DOCK7: variants seen among roughly 807,000 people sequenced by gnomAD.
DOCK7 encodes the protein dedicator of cytokinesis protein 7.
Under a neutral mutation model 271.0 loss-of-function variants are expected in DOCK7, and 138 were observed. The ratio of observed to expected loss-of-function variants is 0.51; its 90% confidence interval spans 0.44 to 0.59. The LOEUF (loss-of-function observed/expected upper bound fraction) is 0.59. Ranked by LOEUF, DOCK7 falls within the 20% of genes least tolerant of loss-of-function variation. The pLI, the probability that DOCK7 is intolerant of heterozygous loss-of-function variation, is 0.00. For missense variants in DOCK7, 2,066 were observed against 2,592.4 expected (o/e 0.80, Z 4.41); for synonymous variants, 823 against 876.1 (o/e 0.94, Z 1.07).
At chr1:62,562,345 C>T (rs1292558274) in intron 18 of DOCK7, among the ~76,000 whole-genome samples, 1 of 148,398 alleles carries the variant, frequency 6.7e-6, no homozygotes, top group African/African-American at 2.5e-5. Flanking sequence ...GATTCTCCTG[C>T]CTCAGCCTCC....
chr1:62,679,452 G>C lies in DOCK7; in HGVS notation c.38+8775C>G, dbSNP rs1660871356. Among the ~76,000 whole-genome samples, 3 of 151,756 alleles carry C rather than the reference G, an allele frequency of 2.0e-5. No homozygotes were observed. In the South Asian group the frequency reaches 6.2e-4, roughly 32 times the overall value. Reference sequence around the variant, plus strand: ...AAAATCAATTCCTAAAAAACCCAAAGGGAAAAAACAATGGAGGAGGGGGAT... The same window carrying C: ...AAAATCAATTCCTAAAAAACCCAAACGGAAAAAACAATGGAGGAGGGGGAT... On this transcript the variant is annotated intron_variant, in intron 1 of 49. Transcript: ENST00000635253.
At chr1:62,528,966 C>T (rs1645095108) in intron 30 of DOCK7, among the ~76,000 whole-genome samples, 1 of 152,126 alleles carries the variant, frequency 6.6e-6, no homozygotes, top group Non-Finnish European at 1.5e-5. Context: ...TGGTAAACAT[C>T]TGTCAAGTTT....
intron 34 of DOCK7, among the ~76,000 whole-genome samples, chr1:62,509,558 A>G (rs1390464013): frequency 2.0e-5 from 3 of 152,126 alleles, no homozygotes; most frequent in Non-Finnish European, 4.4e-5. Flanking sequence ...CTACTCTGTG[A>G]TTTCTAAAAA....
At chr1:62,663,649 T>G (rs1275520112) in intron 1 of DOCK7, among the ~76,000 whole-genome samples, 1 of 152,178 alleles carries the variant, frequency 6.6e-6, no homozygotes, top group Non-Finnish European at 1.5e-5. Flanking sequence ...CAAGATAATC[T>G]CATTTTCCTA....
chr1:62,648,942 C>A (rs1657006243), intron 4 of DOCK7, among the ~76,000 whole-genome samples: 1 of 152,014 alleles, frequency 6.6e-6, no homozygotes, highest in African/African-American at 2.4e-5. Flanking sequence ...ACATATAAAG[C>A]ACTGAATCTT....
Position 62,577,267 on chromosome 1 carries a change from G to T in DOCK7, c.2107C>A (p.Pro703Thr). The change falls in exon 18 of 50, where the codon CCT becomes ACT. Residue 703 changes from proline to threonine, a missense_variant. Transcript: ENST00000635253. ...TCAACATGGGAGACACTGACCTCAG[G>T]AGACAGTACAGAATAAGCCTGTGGT... ...KPPQAYSVLSPEVPLPGMKWV... is the reference protein window; with the variant it reads ...KPPQAYSVLSTEVPLPGMKWV... The T allele has an allele frequency of 6.6e-7, 1 of 1,511,208 alleles. No individual in the cohort carries two copies. Among genetic ancestry groups the T allele is most frequent in the Non-Finnish European group, 8.9e-7 (1 of 1,118,556 alleles). The allele number at this position is 1,511,208 out of a possible 1,614,324, so 93.6% of individuals were successfully genotyped here. A position where few individuals can be genotyped will look rare whatever the true frequency, so the allele number is the denominator to read the frequency against.
chr1:62,548,346 G>C (rs1317952724), intron 22 of DOCK7, among the ~76,000 whole-genome samples: 1 of 151,618 alleles, frequency 6.6e-6, no homozygotes, highest in African/African-American at 2.4e-5. Context: ...AGACTTAAAG[G>C]ACTGAGAGAA....
intron 1 of DOCK7, among the ~76,000 whole-genome samples, chr1:62,671,007 A>G (rs1177901676): frequency 6.6e-6 from 1 of 151,904 alleles, no homozygotes; most frequent in Admixed American, 6.6e-5. Flanking sequence ...CCACGAGCCC[A>G]CCGGGAGGAA....
chr1:62,490,119 G>A (rs1646419000), intron 41 of DOCK7, among the ~76,000 whole-genome samples: 1 of 142,664 alleles, frequency 7.0e-6, no homozygotes, highest in Non-Finnish European at 1.5e-5. Flanking sequence ...TGTTTAGGTT[G>A]GAGTGCAGTG....
intron 14 of DOCK7, among the ~76,000 whole-genome samples, chr1:62,611,363 TTTGGATTTTGGAATATCTTTATAC>T (rs1469387675): frequency 6.6e-6 from 1 of 152,192 alleles, no homozygotes; most frequent in Non-Finnish European, 1.5e-5. Context: ...TCATATTTGT[TTTGGATTTTGGAATATCTTTATAC>T]TCACGGTTGA....
chr1:62,671,781 T>G (rs561746400), intron 1 of DOCK7, among the ~76,000 whole-genome samples: 41 of 152,258 alleles, frequency 2.7e-4, no homozygotes, highest in Non-Finnish European at 5.1e-4. Context: ...TCTCCTATTC[T>G]GTATGAAACT....
intron 18 of DOCK7, among the ~76,000 whole-genome samples, chr1:62,565,789 T>C (rs1184818431): frequency 1.3e-5 from 2 of 152,168 alleles, no homozygotes; most frequent in African/African-American, 4.8e-5. Context: ...GATGACATGA[T>C]TGTATTTTTA....
In DOCK7 at chr1:62,491,130, T is replaced by C. The variant is rs182042124; in HGVS notation, c.5361+1574A>G. On this transcript the variant is annotated intron_variant, in intron 41 of 49. Coordinates refer to ENST00000635253, the MANE Select transcript of DOCK7 (RefSeq NM_001367561.1). ...GTGAGGCACCAACAGGTTAAATAAT[T>C]TGTGCCTGAAGTAAGACAACTACTA... Among the ~76,000 whole-genome samples, 250 of 152,316 alleles carry C rather than the reference T, an allele frequency of 1.6e-3. 4 individuals carry two copies. Among genetic ancestry groups the C allele is most frequent in the Non-Finnish European group, 7.2e-4 (49 of 68,034 alleles).
At chr1:62,661,923 T>C (rs1658708145) in intron 2 of DOCK7, among the ~76,000 whole-genome samples, 1 of 152,190 alleles carries the variant, frequency 6.6e-6, no homozygotes, top group Admixed American at 6.5e-5. Flanking sequence ...TTTGGAAGGA[T>C]TATCTCCATG....
chr1:62,626,790 T>C (rs780683951), intron 11 of DOCK7, among the ~76,000 whole-genome samples: 6 of 152,094 alleles, frequency 3.9e-5, no homozygotes, highest in Non-Finnish European at 8.8e-5. Flanking sequence ...GACCAGGCCA[T>C]GACAGGTTCA....
intron 14 of DOCK7, chr1:62,602,292 A>G (rs770846943): frequency 6.2e-7 from 1 of 1,607,772 alleles, no homozygotes; most frequent in South Asian, 1.1e-5. Context: ...CAGGTAGTCC[A>G]TGGACATTAA....
intron 37 of DOCK7, among the ~76,000 whole-genome samples, chr1:62,499,937 GAA>G (rs11409086): frequency 2.2e-4 from 33 of 148,118 alleles, no homozygotes; most frequent in East Asian, 5.9e-4. Context: ...AAACTGTTCT[GAA>G]AAAAAAAAAA....
At chr1:62,543,920 A>C (rs1183783689) in intron 23 of DOCK7, among the ~76,000 whole-genome samples, 175 bp from the exon 24 acceptor site, 1 of 152,174 alleles carries the variant, frequency 6.6e-6, no homozygotes, top group Non-Finnish European at 1.5e-5. Context: ...GACAATGCAT[A>C]AGTAGTATCA....
intron 18 of DOCK7, among the ~76,000 whole-genome samples, chr1:62,572,587 G>C (rs999676992): frequency 6.6e-6 from 1 of 152,114 alleles, no homozygotes; most frequent in Non-Finnish European, 1.5e-5. Flanking sequence ...TCAGTTTCTG[G>C]TGAGGGTTCT....
Sources: allele counts gnomAD v4.1 joint callset (sites outside exome capture counted in the v4.1 genomes callset), GRCh38; gene constraint gnomAD v4.1.1; transcripts MANE v1.5; gene names NCBI Gene and HGNC (gene_info 2026-07-23, HGNC 2026-07-21).